Variants in FUBP3 observed in about 807,000 individuals in gnomAD.
The protein encoded by FUBP3 is far upstream element-binding protein 3.
A neutral mutation model predicts 85.6 loss-of-function variants in FUBP3; 28 were observed. That is an observed-to-expected ratio of 0.33 (90% CI 0.24 to 0.45). FUBP3 has a LOEUF of 0.45. Ranked by LOEUF, FUBP3 falls within the 20% of genes least tolerant of loss-of-function variation. FUBP3 has a pLI of 1.00. For synonymous variants in FUBP3, 271 were observed against 271.4 expected, an observed-to-expected ratio of 1.00 and a Z score of 0.01; for missense variants, 583 against 755.1, an observed-to-expected ratio of 0.77 and a Z score of 2.67.
intron 12 of FUBP3, among the ~76,000 whole-genome samples, chr9:130,627,692 A>G (rs946448906): frequency 6.6e-6 from 1 of 152,252 alleles, no homozygotes; most frequent in Non-Finnish European, 1.5e-5. Flanking sequence ...AGATGCTGCC[A>G]GAAGTCCCAC....
chr9:130,597,118 T>C (rs2119030944), intron 2 of FUBP3, among the ~76,000 whole-genome samples: 1 of 152,092 alleles, frequency 6.6e-6, no homozygotes, highest in South Asian at 2.1e-4. Flanking sequence ...CTGTTTTGAT[T>C]TTTATATTGC....
chr9:130,580,385 A>G (rs1046440755), intron 1 of FUBP3, among the ~76,000 whole-genome samples: 1 of 152,228 alleles, frequency 6.6e-6, no homozygotes, highest in Non-Finnish European at 1.5e-5. Flanking sequence ...AATGTCGTGC[A>G]TTTAATCAAA....
In FUBP3 at chr9:130,634,646, G is replaced by A. The variant is rs372154970; in HGVS notation, c.1511-21G>A. The A allele has an allele frequency of 1.2e-5, 20 of 1,609,904 alleles. No individual in the cohort carries two copies. In the African/African-American group the frequency reaches 1.3e-4, roughly 11 times the overall value. ...TGTGAGGAGCCCGTAAGGCCTGACT[G>A]CTTTTGTGTTCTTCGCACAGGCCAG... On this transcript the variant is annotated intron_variant, in intron 16 of 18. Transcript: ENST00000319725.
At position 130,612,896 on chromosome 9, in the gene FUBP3, T is replaced by G. The variant is rs1345508505; in HGVS notation, c.275-60T>G. ...CAGTTTGTGGAATTAATTCAGTCAT[T>G]CCTGCGTGGTGAAATATGGAATAGG... On this transcript the variant is annotated intron_variant, in intron 4 of 18. Transcript: ENST00000319725. This position sits in a 1 kb window ranked among gnomAD's most constrained non-coding sequence, Gnocchi z 4.1. The G allele has an allele frequency of 6.2e-6, 7 of 1,120,210 alleles. No individual in the cohort carries two copies. The highest frequency in any genetic ancestry group is 9.6e-6 in the Non-Finnish European group (7 of 732,898). 69.4% of individuals were successfully genotyped at this position (1,120,210 alleles called of 1,614,324 possible).
At chr9:130,615,998 TG>T (rs750283529) in intron 6 of FUBP3, among the ~76,000 whole-genome samples, 4 of 152,136 alleles carry the variant, frequency 2.6e-5, no homozygotes, top group Non-Finnish European at 4.4e-5. Flanking sequence ...TCATGTTGGA[TG>T]GGGGAACAGA....
At position 130,626,345 on chromosome 9, in the gene FUBP3, A is replaced by G; in HGVS notation, c.976-19A>G. The G allele has an allele frequency of 6.2e-7, 1 of 1,606,826 alleles. No individual in the cohort carries two copies. Among genetic ancestry groups the G allele is most frequent in the African/African-American group, 1.3e-5 (1 of 74,950 alleles). On this transcript the variant is annotated intron_variant, in intron 11 of 18. Transcript: ENST00000319725. ...CTGTGGCAGTGGCAGAGGTCGCTAC[A>G]GCCCTGTGATCTTTCCAGGAAAGAG...
rs113045969 is a variant in FUBP3, at chr9:130,588,945, G to A, written c.85-6538G>A. 7.6e-4 allele frequency among the ~76,000 whole-genome samples: 115 copies of A among 152,304 alleles called. 1 individual carries two copies. Among genetic ancestry groups the A allele is most frequent in the Middle Eastern group, 6.8e-3 (2 of 294 alleles). On this transcript the variant is annotated intron_variant, in intron 1 of 18. Coordinates refer to ENST00000319725, the MANE Select transcript of FUBP3 (RefSeq NM_003934.2). Reference sequence around the variant, plus strand: ...CAGGACCTCTCTGGGTGGCTGTGCCGCGCAGGCTCTGGGGAAGCAAGTTGG... The same window carrying A: ...CAGGACCTCTCTGGGTGGCTGTGCCACGCAGGCTCTGGGGAAGCAAGTTGG...
chr9:130,622,855 A>T, intron 10 of FUBP3, 45 bp downstream of exon 10: 1 of 983,866 alleles, frequency 1.0e-6, no homozygotes, highest in East Asian at 2.5e-5. Flanking sequence ...AAAAAAAAAA[A>T]AATCCTTAGT....
chr9:130,623,799 T>G, intron 11 of FUBP3, 88 bp downstream of exon 11: 1 of 753,776 alleles, frequency 1.3e-6, no homozygotes, highest in Non-Finnish European at 2.2e-6. Context: ...CATAGAGCTG[T>G]CACCCTGAGG....
chr9:130,609,582 G>T (rs930545667), intron 2 of FUBP3, among the ~76,000 whole-genome samples: 5 of 152,204 alleles, frequency 3.3e-5, no homozygotes, highest in African/African-American at 9.7e-5. Flanking sequence ...CTTCTCATTT[G>T]TTTTTAAAAG....
rs778211786 is a variant in FUBP3, at chr9:130,623,737, G to A, written c.975+26G>A. Reference sequence around the variant, plus strand: ...GTGGGTCCAGCTCTGCAGAGTGTGAGTGTTTGGGCTGCAGAAGTGGAAAGT... The same window carrying A: ...GTGGGTCCAGCTCTGCAGAGTGTGAATGTTTGGGCTGCAGAAGTGGAAAGT... On this transcript the variant is annotated intron_variant, in intron 11 of 18. Transcript: ENST00000319725. 3.0e-5 allele frequency: 45 copies of A among 1,498,618 alleles called. No homozygotes were observed. In the East Asian group the frequency reaches 9.7e-4, roughly 32 times the overall value. The allele number at this position is 1,498,618 out of a possible 1,614,324, so 92.8% of individuals were successfully genotyped here.
chr9:130,601,501 C>G (rs1005201749), intron 2 of FUBP3, among the ~76,000 whole-genome samples: 1 of 152,170 alleles, frequency 6.6e-6, no homozygotes, highest in Non-Finnish European at 1.5e-5. Flanking sequence ...CAGGAGAGTA[C>G]AGCACTGTCC....
At position 130,595,469 on chromosome 9, in the gene FUBP3, G is replaced by A. The variant is rs1564194947; in HGVS notation, c.85-14G>A. On this transcript the variant is annotated splice_polypyrimidine_tract_variant and intron_variant, in intron 1 of 18. Coordinates refer to ENST00000319725, the MANE Select transcript of FUBP3 (RefSeq NM_003934.2). Reference sequence around the variant, plus strand: ...GGTTTGTTACTGAGTGTTTAAATCTGATTCTCTCTGTAGATTGCTGCTAAA... The same window carrying A: ...GGTTTGTTACTGAGTGTTTAAATCTAATTCTCTCTGTAGATTGCTGCTAAA... 2 of 1,279,910 alleles carry A rather than the reference G, an allele frequency of 1.6e-6. No individual in the cohort carries two copies. Among genetic ancestry groups the A allele is most frequent in the Non-Finnish European group, 2.3e-6 (2 of 874,566 alleles). The allele number at this position is 1,279,910 out of a possible 1,614,324, so 79.3% of individuals were successfully genotyped here. A position where few individuals can be genotyped will look rare whatever the true frequency, so the allele number is the denominator to read the frequency against.
intron 12 of FUBP3, among the ~76,000 whole-genome samples, chr9:130,626,752 C>G (rs1321692530): frequency 2.0e-5 from 3 of 152,174 alleles, no homozygotes; most frequent in Non-Finnish European, 4.4e-5. Flanking sequence ...CAGTAAAACT[C>G]CCTGCCTGTT....
chr9:130,622,400 G>A (rs1425294219), intron 9 of FUBP3, among the ~76,000 whole-genome samples: 2 of 151,660 alleles, frequency 1.3e-5, no homozygotes, highest in Non-Finnish European at 2.9e-5. Context: ...GGGAGGCCGA[G>A]GTGGGCGGAT....
chr9:130,633,871 T>G (rs1001772537), intron 16 of FUBP3, among the ~76,000 whole-genome samples: 2 of 152,164 alleles, frequency 1.3e-5, no homozygotes, highest in African/African-American at 4.8e-5. Flanking sequence ...CTCTCTGCAG[T>G]GGTTTGCCCT....
Position 130,612,657 on chromosome 9 carries a change from C to T in FUBP3, c.274+152C>T, listed in dbSNP as rs760837603. 8.9e-5 allele frequency: 61 copies of T among 688,768 alleles called. No individual in the cohort carries two copies. Among genetic ancestry groups the T allele is most frequent in the Admixed American group, 2.9e-4 (11 of 38,086 alleles). 42.7% of individuals were successfully genotyped at this position (688,768 alleles called of 1,614,324 possible). ...AATGCTTTGCACATGCCATTCCCCA[C>T]AGCTCTGAAATGCTGCAGGTCTCTT... On this transcript the variant is annotated intron_variant, in intron 4 of 18. Transcript: ENST00000319725. This position sits in a 1 kb window ranked among gnomAD's most constrained non-coding sequence, Gnocchi z 4.1.
chr9:130,626,657 CCTGCTTGGCATGGTTCTCTGAGG>C, intron 12 of FUBP3, 152 bp downstream of exon 12: 1 of 717,754 alleles, frequency 1.4e-6, no homozygotes, highest in East Asian at 2.7e-5. Context: ...CTGCCGAAAC[CCTGCTTGGCATGGTTCTCTGAGG>C]CTGCTGACGG....
rs1031748060 is a variant in FUBP3 at position 130,616,212 on chromosome 9, C to T, written c.405-143C>T. Reference sequence around the variant, plus strand: ...GCGTGGCGGATGGCAGAGAGACCTCCGGGTTGTGGGGGCAGGAGCTGGAGC... The same window carrying T: ...GCGTGGCGGATGGCAGAGAGACCTCTGGGTTGTGGGGGCAGGAGCTGGAGC... On this transcript the variant is annotated intron_variant, in intron 6 of 18. Transcript: ENST00000319725. The surrounding 1 kb of genome is among the most constrained non-coding windows in gnomAD (Gnocchi z 4.7). 2.8e-6 allele frequency: 2 copies of T among 706,940 alleles called. No homozygotes were observed. Among genetic ancestry groups the T allele is most frequent in the East Asian group, 2.7e-5 (1 of 36,912 alleles). 43.8% of individuals were successfully genotyped at this position (706,940 alleles called of 1,614,324 possible).
Sources: gnomAD v4.1 joint callset for allele counts (sites outside exome capture counted in the v4.1 genomes callset) on GRCh38, gnomAD v4.1.1 for gene constraint, Gnocchi (gnomAD v3.1) non-coding constraint, MANE v1.5 for transcripts, NCBI Gene and HGNC (gene_info 2026-07-23, HGNC 2026-07-21) for gene names.